Variants in FOXP3 observed in about 807,000 individuals in gnomAD.
FOXP3 encodes forkhead box protein P3.
In FOXP3, 5 loss-of-function variants were observed where a neutral mutation model predicts 31.2. The ratio of observed to expected loss-of-function variants is 0.16; its 90% confidence interval spans 0.08 to 0.34. FOXP3 has a LOEUF of 0.34. FOXP3 is among the 10% of genes least tolerant of loss of function. The pLI is 1.00. For synonymous variants in FOXP3, 141 were observed against 148.8 expected (o/e 0.95, Z 0.38); for missense variants, 251 against 363.0 (o/e 0.69, Z 2.51).
chrX:49,252,873 G>A (rs1470875559), intron 10 of FOXP3, among the ~76,000 whole-genome samples: 1 of 110,337 alleles, frequency 9.1e-6, no homozygotes, highest in Non-Finnish European at 1.9e-5. Context: ...CATCTGGAAA[G>A]GGGTAGGTTT....
Position 49,257,456 on chromosome X carries a change from G to A in FOXP3, c.425C>T (p.Ser142Phe). ...TGGGAGGCCAGGCCGGGCCTTGAGGGAGAAGACCCCAGTGGCGGTGGTGGG... is the reference window on the plus strand; with the variant it reads ...TGGGAGGCCAGGCCGGGCCTTGAGGAAGAAGACCCCAGTGGCGGTGGTGGG... ...TPPTTATGVF[S>F]LKARPGLPPG... Residue 142 changes from serine to phenylalanine, a missense_variant, in exon 4 of 12, where the codon TCC (serine) becomes TTC (phenylalanine). Around this residue, in one of 4 missense-constraint regions of FOXP3, gnomAD observed 152 missense variants for 188.1 expected, o/e 0.81. Transcript: ENST00000376207. The A allele has an allele frequency of 2.6e-6, 3 of 1,145,406 alleles. No individual in the cohort carries two copies. Among genetic ancestry groups the A allele is most frequent in the Non-Finnish European group, 3.5e-6 (3 of 862,320 alleles). 94.4% of individuals were successfully genotyped at this position (1,145,406 alleles called of 1,213,427 possible).
At chrX:49,259,701 G>T (rs1030782652) in intron 1 of FOXP3, among the ~76,000 whole-genome samples, 9 of 111,641 alleles carry the variant, frequency 8.1e-5, no homozygotes, top group African/African-American at 2.9e-4. Flanking sequence ...TATAATCCTG[G>T]TCTGAGAGGA....
In FOXP3 at chrX:49,251,172, G is replaced by T; in HGVS notation, c.*162C>A. 1 of 655,955 alleles carries T rather than the reference G, an allele frequency of 1.5e-6. No individual in the cohort carries two copies. The allele number at this position is 655,955 out of a possible 1,213,427, so 54.1% of individuals were successfully genotyped here. ...CAAAGGATATGATGGGGGAGGGGGT[G>T]GCTGCCAGCGGGGGAACAGGGGCCC... On this transcript the variant is annotated 3_prime_UTR_variant, in exon 12 of 12. Transcript: ENST00000376207.
intron 8 of FOXP3, among the ~76,000 whole-genome samples, 193 bp downstream of exon 8, chrX:49,255,236 C>A (rs1380976318): frequency 4.4e-5 from 5 of 112,561 alleles, no homozygotes; most frequent in Non-Finnish European, 9.4e-5. Flanking sequence ...CGTGAGCCAC[C>A]ACGCCCAGCC....
chrX:49,259,550 TCTC>T (rs1343336981), intron 1 of FOXP3, among the ~76,000 whole-genome samples: 7 of 110,279 alleles, frequency 6.3e-5, no homozygotes, highest in Non-Finnish European at 1.9e-5. Context: ...GCCCACTCCT[TCTC>T]CTCTTTCCCT....
intron 9 of FOXP3, 116 bp downstream of exon 9, chrX:49,253,801 G>C: frequency 1.1e-6 from 1 of 910,542 alleles, no homozygotes; most frequent in Non-Finnish European, 1.6e-6. Context: ...AGTGGCGGCA[G>C]CTGCAGTGGT....
Position 49,257,784 on chromosome X carries a change from G to A in FOXP3, c.211-16C>T. 1 of 1,142,465 alleles carries A rather than the reference G, an allele frequency of 8.8e-7. No homozygotes were observed. Among genetic ancestry groups the A allele is most frequent in the Non-Finnish European group, 1.2e-6 (1 of 849,590 alleles). 94.2% of individuals were successfully genotyped at this position (1,142,465 alleles called of 1,213,427 possible). A position where few individuals can be genotyped will look rare whatever the true frequency, so the allele number is the denominator to read the frequency against. On this transcript the variant is annotated splice_polypyrimidine_tract_variant and intron_variant, in intron 2 of 11. Transcript: ENST00000376207. ...GTGTGGGCAGCTGGGCAGAAAGGCAGGTGGGTGAGAGGCCATCCTGATCCT... is the reference window on the plus strand; with the variant it reads ...GTGTGGGCAGCTGGGCAGAAAGGCAAGTGGGTGAGAGGCCATCCTGATCCT...
chrX:49,253,772 T>C, intron 9 of FOXP3, 145 bp downstream of exon 9: 2 of 717,806 alleles, frequency 2.8e-6, no homozygotes, highest in Admixed American at 2.7e-5. Flanking sequence ...TGTGAGCGGA[T>C]GCATTTTCCC....
intron 1 of FOXP3, among the ~76,000 whole-genome samples, chrX:49,264,319 G>C (rs1284088506): frequency 9.0e-6 from 1 of 111,541 alleles, no homozygotes; most frequent in African/African-American, 3.3e-5. Flanking sequence ...AGATGAGAGA[G>C]ATGCAGTTGA....
chrX:49,255,279 G>T, intron 8 of FOXP3, 150 bp downstream of exon 8: 3 of 530,425 alleles, frequency 5.7e-6, no homozygotes, highest in Non-Finnish European at 9.8e-6. Flanking sequence ...GAAGGGGACA[G>T]ATTTCCAGGT....
rs982667170 is a variant in FOXP3 at position 49,250,510 on chromosome X, G to A, written c.*824C>T. 13 of 470,662 alleles carry A rather than the reference G, an allele frequency of 2.8e-5. No individual in the cohort carries two copies. Among genetic ancestry groups the A allele is most frequent in the Non-Finnish European group, 4.2e-5 (11 of 259,646 alleles). The allele number at this position is 470,662 out of a possible 1,213,427, so 38.8% of individuals were successfully genotyped here. A position where few individuals can be genotyped will look rare whatever the true frequency, so the allele number is the denominator to read the frequency against. On this transcript the variant is annotated 3_prime_UTR_variant, in exon 12 of 12. Coordinates refer to ENST00000376207, the MANE Select transcript of FOXP3 (RefSeq NM_014009.4). The stretch of plus-strand genomic sequence containing the variant: ...GCCTTGGATCCCAAATAAATGAGTA[G>A]TTCCTCTGCAGTCTAAGCTGAGGCA...
chrX:49,251,704 C>G lies in FOXP3; in HGVS notation c.1106G>C (p.Arg369Pro). 1 of 1,203,168 alleles carries G rather than the reference C, an allele frequency of 8.3e-7. No individual in the cohort carries two copies. Among genetic ancestry groups the G allele is most frequent in the Non-Finnish European group, 1.1e-6 (1 of 895,458 alleles). The change falls in exon 11 of 12, where the codon CGC becomes CCC. Residue 369 changes from arginine (R) to proline (P), a missense_variant. Coordinates refer to ENST00000376207, the MANE Select transcript of FOXP3 (RefSeq NM_014009.4). ...ATGGTTTCTGAAGAAGGCAAACATG[C>G]GTGTGAACCAGTGGTAGATCTCATT... ...TLNEIYHWFTRMFAFFRNHPA... is the reference protein window; with the variant it reads ...TLNEIYHWFTPMFAFFRNHPA...
In FOXP3 at chrX:49,251,308, C is replaced by T. The variant is rs2066029080; in HGVS notation, c.*26G>A. On this transcript the variant is annotated 3_prime_UTR_variant, in exon 12 of 12. Coordinates refer to ENST00000376207, the MANE Select transcript of FOXP3 (RefSeq NM_014009.4). ...TCCCACCAGTTTGGCCCCTGTTCGT[C>T]CATCCTCCTTTCCTTGATCTTGAGG... The T allele has an allele frequency of 1.7e-6, 2 of 1,201,880 alleles. No homozygotes were observed. Among genetic ancestry groups the T allele is most frequent in the Non-Finnish European group, 2.2e-6 (2 of 890,963 alleles).
chrX:49,262,001 C>A (rs2066113302), intron 1 of FOXP3, among the ~76,000 whole-genome samples: 2 of 112,345 alleles, frequency 1.8e-5, no homozygotes, highest in Admixed American at 1.9e-4. Flanking sequence ...TTCAAGTTGA[C>A]AATTGCCCCT....
Position 49,258,381 on chromosome X carries a change from C to A in FOXP3, c.125G>T (p.Gly42Val). Residue 42 changes from glycine to valine, a missense_variant, in exon 2 of 12, where the codon GGG becomes GTG. By Grantham distance (109) the Gly-to-Val change is moderately radical. Transcript: ENST00000376207. Reference sequence around the variant, plus strand: ...AAGATCTCGGCCCTGGAAGGTTCCCCCTGGGCCCCGGGCCCCCAGCAGGTC... The same window carrying A: ...AAGATCTCGGCCCTGGAAGGTTCCCACTGGGCCCCGGGCCCCCAGCAGGTC... ...ASDLLGARGP[G>V]GTFQGRDLRG... The A allele has an allele frequency of 8.6e-7, 1 of 1,169,161 alleles. No homozygotes were observed. The highest frequency in any genetic ancestry group is 3.2e-5 in the East Asian group (1 of 31,106).
At chrX:49,259,809 CTTCT>C (rs1422042312) in intron 1 of FOXP3, among the ~76,000 whole-genome samples, 2 of 111,770 alleles carry the variant, frequency 1.8e-5, no homozygotes, top group Non-Finnish European at 3.8e-5. Flanking sequence ...GAGAACTCCA[CTTCT>C]TTCTTTAGGA....
At chrX:49,257,129 G>T in intron 4 of FOXP3, 117 bp from the exon 5 acceptor site, 1 of 664,217 alleles carries the variant, frequency 1.5e-6, no homozygotes, top group South Asian at 2.8e-5. Context: ...CTGACTCCCA[G>T]GGGGCTCTGC....
chrX:49,255,320 C>G, intron 8 of FOXP3, 109 bp downstream of exon 8: 1 of 761,060 alleles, frequency 1.3e-6, no homozygotes, highest in Non-Finnish European at 2.0e-6. Flanking sequence ...GGACAGGGGC[C>G]CCTAGCTCTC....
In FOXP3 at chrX:49,251,672, T is replaced by A; in HGVS notation, c.1138A>T (p.Thr380Ser). The A allele has an allele frequency of 8.3e-7, 1 of 1,207,630 alleles. No homozygotes were observed. The highest frequency in any genetic ancestry group is 1.7e-5 in the African/African-American group (1 of 57,740). ...ACCTCAGAGGAGCTCACCTTCCAGGTGGCAGGATGGTTTCTGAAGAAGGCA... is the reference window on the plus strand; with the variant it reads ...ACCTCAGAGGAGCTCACCTTCCAGGAGGCAGGATGGTTTCTGAAGAAGGCA... ...MFAFFRNHPA[T>S]WKNAIRHNLS... The change falls in exon 11 of 12, where the codon ACC becomes TCC. Residue 380 changes from threonine (T) to serine (S), a missense_variant. Coordinates refer to ENST00000376207, the MANE Select transcript of FOXP3 (RefSeq NM_014009.4).
Sources: gnomAD v4.1 joint callset for allele counts (sites outside exome capture counted in the v4.1 genomes callset) on GRCh38, gnomAD v4.1.1 for gene constraint, gnomAD v4.1.1 regional missense constraint, MANE v1.5 for transcripts, NCBI Gene and HGNC (gene_info 2026-07-23, HGNC 2026-07-21) for gene names.